LOXL2: variants seen among roughly 807,000 people sequenced by gnomAD.
The protein encoded by LOXL2 is lysyl oxidase like 2, also known as lysyl oxidase homolog 2.
LOXL2 carries 70 observed loss-of-function variants against 93.0 expected under a neutral mutation model. That is an observed-to-expected ratio of 0.75 (90% CI 0.62 to 0.92). The LOEUF (loss-of-function observed/expected upper bound fraction) is 0.92. LOXL2 is among the 40% of genes least tolerant of loss of function. The pLI, the probability that LOXL2 is intolerant of heterozygous loss-of-function variation, is 0.00. For synonymous variants in LOXL2, 438 were observed against 413.2 expected, an observed-to-expected ratio of 1.06 and a Z score of -0.73; for missense variants, 973 against 1,054.9, an observed-to-expected ratio of 0.92 and a Z score of 1.08.
At chr8:23,304,042 G>A (rs998235245) in intron 10 of LOXL2, among the ~76,000 whole-genome samples, 4 of 152,232 alleles carry the variant, frequency 2.6e-5, no homozygotes, top group African/African-American at 7.2e-5. Flanking sequence ...TGTGCTCCTC[G>A]CATTGTGCAA....
At chr8:23,339,776 T>C (rs944300981) in intron 4 of LOXL2, among the ~76,000 whole-genome samples, 1 of 152,194 alleles carries the variant, frequency 6.6e-6, no homozygotes, top group African/African-American at 2.4e-5. Context: ...CTGGGCCATG[T>C]CTGGGGACTG....
intron 1 of LOXL2, among the ~76,000 whole-genome samples, chr8:23,373,987 A>G (rs1804544246): frequency 6.6e-6 from 1 of 152,166 alleles, no homozygotes; most frequent in South Asian, 2.1e-4. Context: ...TCTAGGGTAC[A>G]TGTGCACAAC....
Position 23,368,169 on chromosome 8 carries a change from A to G in LOXL2, c.183T>C (p.Ala61=), listed in dbSNP as rs1804440252. ...ANVAKIQLRL[A]GQKRKHSEGR... ...CCTCGCTGTGCTTCCTCTTCTGCCC[A>G]GCCAGGCGCAGCTGAATCTTGGCCA... Residue 61 remains alanine, a synonymous_variant, in exon 2 of 14, where the codon GCT becomes GCC. Coordinates refer to ENST00000389131, the MANE Select transcript of LOXL2 (RefSeq NM_002318.3). The G allele has an allele frequency of 1.2e-6, 2 of 1,613,960 alleles. No individual in the cohort carries two copies. Among genetic ancestry groups the G allele is most frequent in the Middle Eastern group, 1.6e-4 (1 of 6,084 alleles).
chr8:23,304,713 C>T (rs1293300457), intron 10 of LOXL2, among the ~76,000 whole-genome samples: 1 of 152,156 alleles, frequency 6.6e-6, no homozygotes, highest in Non-Finnish European at 1.5e-5. Flanking sequence ...TCCCCTTCCT[C>T]GTGACACTCC....
At chr8:23,365,321 T>C (rs1312918305) in intron 2 of LOXL2, 13 of 152,266 alleles carry the variant, frequency 8.5e-5, no homozygotes. Context: ...GCCAACTCTT[T>C]TTCCTATTCT....
Position 23,376,255 on chromosome 8 carries a change from A to G in LOXL2, c.-83-7821T>C, listed in dbSNP as rs1804587781. Among the ~76,000 whole-genome samples the G allele has an allele frequency of 1.3e-5, 2 of 152,144 alleles. 1 individual carries two copies. Among genetic ancestry groups the G allele is most frequent in the Admixed American group, 1.3e-4 (2 of 15,276 alleles). ...CTGGATTACGTTTACTGATTTGCAT[A>G]TGTTGAACCAGCCTTGCATCCCAGG... On this transcript the variant is annotated intron_variant, in intron 1 of 13. Transcript: ENST00000389131.
chr8:23,382,321 GC>G (rs1166603054), intron 1 of LOXL2: 2 of 152,102 alleles, frequency 1.3e-5, no homozygotes, highest in African/African-American at 4.8e-5. Context: ...TTCAAGACCA[GC>G]CTGACCAACA....
chr8:23,335,972 G>T (rs1210906663), intron 4 of LOXL2, among the ~76,000 whole-genome samples: 1 of 152,180 alleles, frequency 6.6e-6, no homozygotes, highest in Non-Finnish European at 1.5e-5. Flanking sequence ...CACAGCGGCA[G>T]CCCAGGGCAG....
intron 13 of LOXL2, 102 bp from the exon 14 acceptor site, chr8:23,298,224 C>CTG: frequency 3.8e-6 from 3 of 781,392 alleles, no homozygotes; most frequent in Non-Finnish European, 6.6e-6. Context: ...CTGGGGCCAC[C>CTG]TGTGTGTGCC....
chr8:23,318,425 G>GCACACACACACACA (rs59051890), intron 8 of LOXL2, among the ~76,000 whole-genome samples: 1 of 145,750 alleles, frequency 6.9e-6, no homozygotes, highest in African/African-American at 2.6e-5. Context: ...TTGGTTGATA[G>GCACACACACACACA]CACACACACA....
chr8:23,386,077 A>T, intron 1 of LOXL2: 1 of 764,906 alleles, frequency 1.3e-6, no homozygotes, highest in South Asian at 1.3e-5. Context: ...GAAAGGCTAC[A>T]TGATTTTCCT....
intron 1 of LOXL2, among the ~76,000 whole-genome samples, chr8:23,386,955 GGA>G (rs1804774078): frequency 6.6e-6 from 1 of 152,318 alleles, no homozygotes; most frequent in African/African-American, 2.4e-5. Context: ...GGCCCACCTT[GGA>G]GAGTATCCTG....
chr8:23,384,331 G>C (rs563349409), intron 1 of LOXL2, among the ~76,000 whole-genome samples: 1 of 152,280 alleles, frequency 6.6e-6, no homozygotes, highest in East Asian at 1.9e-4. Flanking sequence ...TGAAGGAAAT[G>C]AGCCTCTAAA....
At position 23,297,227 on chromosome 8, in the gene LOXL2, CTG is replaced by C. The variant is rs1375494206; in HGVS notation, c.*814_*815del. 9 of 152,202 alleles carry C rather than the reference CTG, an allele frequency of 5.9e-5. No individual in the cohort carries two copies. Among genetic ancestry groups the C allele is most frequent in the African/African-American group, 1.9e-4 (8 of 41,436 alleles). The allele number at this position is 152,202 out of a possible 1,614,324, so 9.4% of individuals were successfully genotyped here. ...CCAAGTTTCAAGTATGTGTAAGTGT[CTG>C]TGATGACACATGGTGCTCAGTGAGC... On this transcript the variant is annotated 3_prime_UTR_variant, in exon 14 of 14. Transcript: ENST00000389131.
Position 23,368,405 on chromosome 8 carries a change from C to T in LOXL2, c.-54G>A. ...AGGGGCCCTGCGCAGCTGGGAGGGA[C>T]AGGCGGGGTACAGAAGCAGCAGGAG... On this transcript the variant is annotated 5_prime_UTR_variant, in exon 2 of 14. Coordinates refer to ENST00000389131, the MANE Select transcript of LOXL2 (RefSeq NM_002318.3). 9.4e-6 allele frequency: 14 copies of T among 1,493,492 alleles called. No homozygotes were observed. The highest frequency in any genetic ancestry group is 1.2e-5 in the Non-Finnish European group (13 of 1,081,864). The allele number at this position is 1,493,492 out of a possible 1,614,324, so 92.5% of individuals were successfully genotyped here.
chr8:23,370,203 T>C (rs762471786), intron 1 of LOXL2, among the ~76,000 whole-genome samples: 2 of 152,136 alleles, frequency 1.3e-5, no homozygotes, highest in Non-Finnish European at 2.9e-5. Flanking sequence ...CATATCAGCC[T>C]ATACCAGCTT....
chr8:23,332,851 T>TACACAC (rs1200586036), intron 5 of LOXL2, among the ~76,000 whole-genome samples: 1 of 77,874 alleles, frequency 1.3e-5, no homozygotes. Flanking sequence ...CCCGCACACA[T>TACACAC]ACACACACAC....
chr8:23,316,880 T>C (rs1803410872), intron 9 of LOXL2, 69 bp downstream of exon 9: 8 of 1,407,610 alleles, frequency 5.7e-6, no homozygotes, highest in African/African-American at 1.4e-5. Flanking sequence ...TCAGAGTCTC[T>C]TGAGGAATAA....
intron 1 of LOXL2, among the ~76,000 whole-genome samples, chr8:23,376,695 C>A (rs1286437893): frequency 3.3e-5 from 5 of 152,102 alleles, no homozygotes; most frequent in African/African-American, 7.2e-5. Flanking sequence ...GGAATTTATC[C>A]ATTTCTTCTA....
Sources: allele counts gnomAD v4.1 joint callset (sites outside exome capture counted in the v4.1 genomes callset), GRCh38; gene constraint gnomAD v4.1.1; transcripts MANE v1.5; gene names NCBI Gene and HGNC (gene_info 2026-07-23, HGNC 2026-07-21).